CSTF3: variants seen among roughly 807,000 people sequenced by gnomAD.
CSTF3 encodes the protein cleavage stimulation factor subunit 3, also known as CF-1 77 kDa subunit.
In CSTF3, 29 loss-of-function variants were observed where a neutral mutation model predicts 105.8. That is an observed-to-expected ratio of 0.27 (90% CI 0.20 to 0.37). The LOEUF is 0.37. Among genes scored for constraint, CSTF3 ranks in the 10% least tolerant of loss-of-function variants. CSTF3 has a pLI of 1.00. For missense variants in CSTF3, 357 were observed against 879.3 expected, an observed-to-expected ratio of 0.41 and a Z score of 7.51; for synonymous variants, 252 against 281.9, an observed-to-expected ratio of 0.89 and a Z score of 1.06.
intron 3 of CSTF3, among the ~76,000 whole-genome samples, chr11:33,127,694 GT>G (rs1590276948): frequency 6.6e-6 from 1 of 152,146 alleles, no homozygotes; most frequent in East Asian, 1.9e-4. Context: ...ATGGCGCGAT[GT>G]TTTTGGGTTT....
intron 3 of CSTF3, among the ~76,000 whole-genome samples, chr11:33,126,246 G>C (rs2133789933): frequency 6.6e-6 from 1 of 152,188 alleles, no homozygotes; most frequent in South Asian, 2.1e-4. Context: ...GATTGCTTGA[G>C]CCCGAGTTCA....
chr11:33,127,467 T>C (rs1181844873), intron 3 of CSTF3, among the ~76,000 whole-genome samples: 1 of 152,222 alleles, frequency 6.6e-6, no homozygotes, highest in African/African-American at 2.4e-5. Context: ...AATACCACTG[T>C]CTTTTAAAAA....
intron 3 of CSTF3, among the ~76,000 whole-genome samples, chr11:33,114,120 A>G (rs762986717): frequency 3.1e-4 from 47 of 152,238 alleles, no homozygotes; most frequent in Non-Finnish European, 3.8e-4. Flanking sequence ...AATAGGTTAA[A>G]ACAAAATTAA....
chr11:33,098,668 A>C (rs1459466708), intron 13 of CSTF3, 22 bp downstream of exon 13: 6 of 1,484,412 alleles, frequency 4.0e-6, no homozygotes, highest in Non-Finnish European at 5.6e-6. Flanking sequence ...AGGTGGAAAA[A>C]AAGATTTGTA....
At position 33,085,136 on chromosome 11, in the gene CSTF3, G is replaced by A. The variant is rs768101813; in HGVS notation, c.2105C>T (p.Pro702Leu). 2.5e-6 allele frequency: 4 copies of A among 1,614,002 alleles called. No homozygotes were observed. Among genetic ancestry groups the A allele is most frequent in the African/African-American group, 1.3e-5 (1 of 74,892 alleles). ...TGCTCTGTAAATGTCATGAACAGGG[G>A]GGACAACGGCTCCCTTTTCTTCATC... Reference protein sequence around the residue: ...DEDEEKGAVVPPVHDIYRARQ... With the variant: ...DEDEEKGAVVLPVHDIYRARQ... The change falls in exon 21 of 21, where the codon CCC becomes CTC. Residue 702 changes from proline (P) to leucine (L), a missense_variant. By Grantham distance (98) the Pro-to-Leu change is moderately conservative. This residue lies in a region of CSTF3 where 73 missense variants were observed against 105.8 expected (regional missense o/e 0.69). Transcript: ENST00000323959.
In CSTF3 at chr11:33,155,238, C is replaced by T. The variant is rs572028772; in HGVS notation, c.27+6061G>A. 6.6e-5 allele frequency among the ~76,000 whole-genome samples: 10 copies of T among 152,012 alleles called. No individual in the cohort carries two copies. In the East Asian group the frequency reaches 1.7e-3, roughly 26 times the overall value. ...GGGCGTGAGGGCGTGGTGGCGGGCA[C>T]CTATAGTCCCCGCTACTAGGGAGGC... On this transcript the variant is annotated intron_variant, in intron 1 of 20. Transcript: ENST00000323959.
intron 3 of CSTF3, among the ~76,000 whole-genome samples, chr11:33,140,468 CCTG>C (rs1430915412): frequency 6.6e-6 from 1 of 151,836 alleles, no homozygotes; most frequent in Non-Finnish European, 1.5e-5. Flanking sequence ...ACACAATGTT[CCTG>C]CTATTATCCA....
chr11:33,150,219 T>TCAAAAA (rs1855841378), intron 1 of CSTF3, among the ~76,000 whole-genome samples: 1 of 104,400 alleles, frequency 9.6e-6, no homozygotes, highest in Non-Finnish European at 1.9e-5. Flanking sequence ...TGTCTCAAAC[T>TCAAAAA]AAAAAAAAAA....
At chr11:33,129,181 T>C (rs1467321992) in intron 3 of CSTF3, among the ~76,000 whole-genome samples, 1 of 152,182 alleles carries the variant, frequency 6.6e-6, no homozygotes, top group Non-Finnish European at 1.5e-5. Flanking sequence ...AACCTCCGCC[T>C]CCAGGGCTCA....
chr11:33,152,723 G>A (rs1456532934), intron 1 of CSTF3, among the ~76,000 whole-genome samples: 2 of 152,166 alleles, frequency 1.3e-5, no homozygotes, highest in Non-Finnish European at 2.9e-5. Context: ...CACTTTGGGA[G>A]GCCGAGGTGG....
chr11:33,087,897 T>C (rs547040060), intron 17 of CSTF3, among the ~76,000 whole-genome samples: 1 of 152,306 alleles, frequency 6.6e-6, no homozygotes, highest in Admixed American at 6.5e-5. Flanking sequence ...AGACAAGATA[T>C]GCCAAAGGAA....
intron 1 of CSTF3, among the ~76,000 whole-genome samples, chr11:33,160,946 G>A (rs1191021184): frequency 6.6e-6 from 1 of 152,118 alleles, no homozygotes; most frequent in African/African-American, 2.4e-5. Context: ...ACACTGTCAA[G>A]TTTTTCTAAA....
At chr11:33,094,945 C>T (rs1855203396) in intron 15 of CSTF3, among the ~76,000 whole-genome samples, 1 of 152,140 alleles carries the variant, frequency 6.6e-6, no homozygotes. Flanking sequence ...GTTGCCCAGG[C>T]TGGAGTACAA....
At chr11:33,097,518 C>T (rs1272029704) in intron 13 of CSTF3, among the ~76,000 whole-genome samples, 7 of 152,092 alleles carry the variant, frequency 4.6e-5, no homozygotes, top group African/African-American at 1.4e-4. Flanking sequence ...TACAGGCACA[C>T]GCCACCACAC....
At chr11:33,152,423 C>G (rs1345989043) in intron 1 of CSTF3, among the ~76,000 whole-genome samples, 1 of 152,122 alleles carries the variant, frequency 6.6e-6, no homozygotes, top group Non-Finnish European at 1.5e-5. Context: ...ACCACCGCAC[C>G]TGGCTGGGTT....
At chr11:33,092,388 G>T in intron 15 of CSTF3, 48 bp from the exon 16 acceptor site, 2 of 1,268,608 alleles carry the variant, frequency 1.6e-6, no homozygotes, top group Non-Finnish European at 2.2e-6. Flanking sequence ...CTTTTACGAT[G>T]CAACAATATT....
In CSTF3 at chr11:33,097,108, ATT is replaced by A. The variant is rs1185291716; in HGVS notation, c.1129-132_1129-131del. The A allele has an allele frequency of 1.4e-5, 9 of 654,748 alleles. No homozygotes were observed. The South Asian group carries it at 2.9e-4, about 21-fold the overall frequency. 40.6% of individuals were successfully genotyped at this position (654,748 alleles called of 1,614,324 possible). On this transcript the variant is annotated intron_variant, in intron 13 of 20. Coordinates refer to ENST00000323959, the MANE Select transcript of CSTF3 (RefSeq NM_001326.3). ...ATATTCTATTTAAATCCACAAACTA[ATT>A]TTTTTCTGGTATTAGAGATGCATGC...
intron 16 of CSTF3, among the ~76,000 whole-genome samples, chr11:33,091,680 T>C (rs1412303819): frequency 1.3e-5 from 2 of 152,172 alleles, no homozygotes; most frequent in Admixed American, 6.5e-5. Context: ...AACATGTTAA[T>C]ATCAATTTCT....
intron 18 of CSTF3, 58 bp downstream of exon 18, chr11:33,086,930 G>A: frequency 6.3e-7 from 1 of 1,599,872 alleles, no homozygotes; most frequent in Non-Finnish European, 8.6e-7. Flanking sequence ...CCCACGCTTT[G>A]GATTTAAATC....
Sources: gnomAD v4.1 joint callset for allele counts (sites outside exome capture counted in the v4.1 genomes callset) on GRCh38, gnomAD v4.1.1 for gene constraint, gnomAD v4.1.1 regional missense constraint, MANE v1.5 for transcripts, NCBI Gene and HGNC (gene_info 2026-07-23, HGNC 2026-07-21) for gene names.